The following TUSC3 variants were observed in gnomAD, a reference collection of about 807,000 sequenced individuals.
TUSC3 encodes the protein tumor suppressor candidate 3.
TUSC3 carries 45 observed loss-of-function variants against 44.8 expected under a neutral mutation model. That is an observed-to-expected ratio of 1.00 (90% CI 0.79 to 1.29). The LOEUF (loss-of-function observed/expected upper bound fraction) is 1.29. Ranked by LOEUF, TUSC3 falls within the 50% of genes most tolerant of loss-of-function variation. The pLI, the probability that TUSC3 is intolerant of heterozygous loss-of-function variation, is 0.00. For missense variants in TUSC3, 519 were observed against 437.9 expected, an observed-to-expected ratio of 1.19 and a Z score of -1.65; for synonymous variants, 212 against 152.9, an observed-to-expected ratio of 1.39 and a Z score of -2.85.
chr8:15,775,151 T>C, the TUSC3 span, among the ~76,000 whole-genome samples: 3 of 152,284 alleles, frequency 2.0e-5, no homozygotes, highest in Admixed American at 2.0e-4. Context: ...TATGAAGTAC[T>C]GTTACATCCT....
chr8:15,524,883 G>C (rs1250098953), intron 2 of TUSC3, among the ~76,000 whole-genome samples: 1 of 152,148 alleles, frequency 6.6e-6, no homozygotes. Context: ...GTAAAACACT[G>C]TCACTCTTCT....
At chr8:15,707,807 C>T (rs1809679550) in intron 6 of TUSC3, among the ~76,000 whole-genome samples, 1 of 151,888 alleles carries the variant, frequency 6.6e-6, no homozygotes, top group South Asian at 2.1e-4. Flanking sequence ...CAAATTTGTT[C>T]TCTCACAGTT....
Position 15,738,038 on chromosome 8 carries a change from G to A in TUSC3, c.863-5500G>A, listed in dbSNP as rs984761948. Reference sequence around the variant, plus strand: ...TCTTTAAATAATAGGGAGGGTTAGCGAGCTTAAAGCCATTTTAGTATAATT... The same window carrying A: ...TCTTTAAATAATAGGGAGGGTTAGCAAGCTTAAAGCCATTTTAGTATAATT... On this transcript the variant is annotated intron_variant, in intron 7 of 10. Transcript: ENST00000503731. Among the ~76,000 whole-genome samples, 17 of 152,220 alleles carry A rather than the reference G, an allele frequency of 1.1e-4. 1 individual carries two copies. Among genetic ancestry groups the A allele is most frequent in the African/African-American group, 1.9e-4 (8 of 41,536 alleles).
intron 2 of TUSC3, among the ~76,000 whole-genome samples, chr8:15,525,331 C>T (rs1030027939): frequency 2.0e-5 from 3 of 152,172 alleles, no homozygotes; most frequent in African/African-American, 7.2e-5. Flanking sequence ...TCTTTTCTTG[C>T]TCCAGCTCCT....
intron 2 of TUSC3, among the ~76,000 whole-genome samples, chr8:15,484,251 T>C (rs1234004917): frequency 6.6e-6 from 1 of 152,226 alleles, no homozygotes; most frequent in Non-Finnish European, 1.5e-5. Flanking sequence ...CTTCTCATGA[T>C]TCATCTCTTA....
chr8:15,790,526 C>T, the TUSC3 span, among the ~76,000 whole-genome samples: 1 of 152,072 alleles, frequency 6.6e-6, no homozygotes, highest in East Asian at 1.9e-4. Context: ...ATGGGAGTGT[C>T]TTGTACTAAT....
intron 2 of TUSC3, among the ~76,000 whole-genome samples, chr8:15,513,411 T>C (rs1314485835): frequency 3.3e-5 from 5 of 152,186 alleles, no homozygotes; most frequent in Non-Finnish European, 7.3e-5. Context: ...TTGCTGGATA[T>C]AAATTGAGAA....
At chr8:15,626,300 G>T (rs78159085) in intron 2 of TUSC3, among the ~76,000 whole-genome samples, 3,459 of 152,312 alleles carry the variant, frequency 0.023, 123 homozygotes, top group African/African-American at 0.077. Flanking sequence ...CACTGCAGTG[G>T]GGCCAGGCCA....
At chr8:15,764,084 A>T in intron 10 of TUSC3, 119 bp from the exon 11 acceptor site, 1 of 1,062,068 alleles carries the variant, frequency 9.4e-7, no homozygotes, top group Non-Finnish European at 1.4e-6. Flanking sequence ...AATTAGTTGA[A>T]TACAATTATG....
At chr8:15,704,228 G>A (rs931319781) in intron 6 of TUSC3, among the ~76,000 whole-genome samples, 3 of 150,346 alleles carry the variant, frequency 2.0e-5, no homozygotes, top group Non-Finnish European at 4.4e-5. Context: ...CAAGTGCAAA[G>A]GCCCCAAAAT....
At chr8:15,775,282 G>A in the TUSC3 span, among the ~76,000 whole-genome samples, 752 of 152,146 alleles carry the variant, frequency 4.9e-3, 3 homozygotes, top group African/African-American at 0.017. Context: ...AAGCAGATGC[G>A]TGGTTGCCAG....
At chr8:15,598,868 G>C (rs1804170593) in intron 1 of TUSC3, among the ~76,000 whole-genome samples, 1 of 151,750 alleles carries the variant, frequency 6.6e-6, no homozygotes, top group Non-Finnish European at 1.5e-5. Flanking sequence ...TTGCTTCTGA[G>C]TTTTGGTAAT....
chr8:15,469,967 C>T (rs1023679082), intron 1 of TUSC3, among the ~76,000 whole-genome samples: 1 of 151,918 alleles, frequency 6.6e-6, no homozygotes, highest in Non-Finnish European at 1.5e-5. Context: ...GTAAAGAGAT[C>T]AGTGGAGGCT....
At chr8:15,477,775 G>A (rs1211630108) in intron 1 of TUSC3, among the ~76,000 whole-genome samples, 1 of 152,058 alleles carries the variant, frequency 6.6e-6, no homozygotes, top group East Asian at 1.9e-4. Context: ...TACACATATA[G>A]TGTTTTCATA....
chr8:15,689,049 T>C, intron 6 of TUSC3: 1 of 323,210 alleles, frequency 3.1e-6, no homozygotes, highest in Non-Finnish European at 6.1e-6. Context: ...GGATGACTCG[T>C]CAATGTCATT....
chr8:15,751,139 T>G (rs1811682896), intron 9 of TUSC3, among the ~76,000 whole-genome samples: 1 of 152,104 alleles, frequency 6.6e-6, no homozygotes, highest in Non-Finnish European at 1.5e-5. Flanking sequence ...TAAATAGAGT[T>G]TGGGTTGCTC....
intron 7 of TUSC3, among the ~76,000 whole-genome samples, chr8:15,741,486 A>C (rs1388844689): frequency 1.3e-5 from 2 of 152,210 alleles, no homozygotes; most frequent in Non-Finnish European, 2.9e-5. Flanking sequence ...AGGCAGGCAG[A>C]CCACTTGAGG....
At chr8:15,632,810 C>A (rs544486148) in intron 2 of TUSC3, among the ~76,000 whole-genome samples, 2 of 152,230 alleles carry the variant, frequency 1.3e-5, no homozygotes, top group African/African-American at 4.8e-5. Flanking sequence ...TAGGATTATT[C>A]TTCTTCATGT....
chr8:15,769,670 A>G (rs2129227026), downstream of TUSC3, among the ~76,000 whole-genome samples: 1 of 152,336 alleles, frequency 6.6e-6, no homozygotes, highest in South Asian at 2.1e-4. Context: ...AAATTTGTGC[A>G]ATCTATCCAT....
Sources: allele counts gnomAD v4.1 joint callset (sites outside exome capture counted in the v4.1 genomes callset), GRCh38; gene constraint gnomAD v4.1.1; transcripts MANE v1.5; gene names NCBI Gene and HGNC (gene_info 2026-07-23, HGNC 2026-07-21).